IL1RAPL2: variants seen among roughly 807,000 people sequenced by gnomAD.
IL1RAPL2 encodes interleukin 1 receptor accessory protein like 2.
A neutral mutation model predicts 44.1 loss-of-function variants in IL1RAPL2; 3 were observed. The ratio of observed to expected loss-of-function variants is 0.07; its 90% CI spans 0.03 to 0.18. IL1RAPL2 has a LOEUF of 0.18. Among genes scored for constraint, IL1RAPL2 ranks in the 10% least tolerant of loss-of-function variants. The pLI is 1.00. For missense variants in IL1RAPL2, 391 were observed against 496.4 expected (o/e 0.79, Z 2.02); for synonymous variants, 181 against 178.8 (o/e 1.01, Z -0.10).
chrX:104,882,963 G>C (rs773840786), intron 2 of IL1RAPL2, among the ~76,000 whole-genome samples: 1 of 111,129 alleles, frequency 9.0e-6, no homozygotes, highest in East Asian at 2.9e-4. Context: ...CTTCACTCCT[G>C]GTCAAGCGAG....
intron 2 of IL1RAPL2, among the ~76,000 whole-genome samples, chrX:104,953,024 T>C (rs947839241): frequency 2.7e-5 from 3 of 112,314 alleles, no homozygotes; most frequent in Middle Eastern, 4.6e-3. Context: ...TTGTTCTTCT[T>C]GGGTAGCTTG....
chrX:104,894,777 G>A (rs1035370209), intron 2 of IL1RAPL2, among the ~76,000 whole-genome samples: 15 of 112,158 alleles, frequency 1.3e-4, no homozygotes, highest in African/African-American at 4.5e-4. Context: ...AAGCCTTCTT[G>A]TCTCAACTCA....
At chrX:104,581,950 A>G (rs193239294) in intron 1 of IL1RAPL2, among the ~76,000 whole-genome samples, 1 of 111,865 alleles carries the variant, frequency 8.9e-6, no homozygotes, top group Non-Finnish European at 1.9e-5. Context: ...TAAAATTTAG[A>G]TACCAGAATA....
intron 5 of IL1RAPL2, among the ~76,000 whole-genome samples, chrX:105,268,341 A>G (rs1002961846): frequency 1.8e-5 from 2 of 111,812 alleles, no homozygotes; most frequent in African/African-American, 3.2e-5. Context: ...GTTGCAAAAG[A>G]GAGTAGAAAA....
intron 2 of IL1RAPL2, among the ~76,000 whole-genome samples, chrX:105,013,670 C>A (rs887564815): frequency 1.8e-5 from 2 of 110,732 alleles, no homozygotes; most frequent in African/African-American, 6.6e-5. Context: ...AAGAAATCAT[C>A]TAATTTTTAA....
intron 2 of IL1RAPL2, among the ~76,000 whole-genome samples, chrX:104,666,139 G>C (rs1255100843): frequency 9.0e-6 from 1 of 110,507 alleles, no homozygotes; most frequent in Non-Finnish European, 1.9e-5. Flanking sequence ...TAGAGAGAGA[G>C]AGAGATCAGC....
At chrX:105,202,755 C>T (rs1556147538) in intron 3 of IL1RAPL2, among the ~76,000 whole-genome samples, 1 of 111,553 alleles carries the variant, frequency 9.0e-6, no homozygotes, top group Non-Finnish European at 1.9e-5. Context: ...AACCCTTTCT[C>T]CCTTCATCTT....
At chrX:104,692,183 T>C (rs1458402309) in intron 2 of IL1RAPL2, among the ~76,000 whole-genome samples, 1 of 110,841 alleles carries the variant, frequency 9.0e-6, no homozygotes, top group Non-Finnish European at 1.9e-5. Context: ...TATTCACTAA[T>C]CCATTCAGCA....
At chrX:104,976,088 T>A (rs1328037120) in intron 2 of IL1RAPL2, among the ~76,000 whole-genome samples, 1 of 111,710 alleles carries the variant, frequency 9.0e-6, no homozygotes, top group Admixed American at 9.5e-5. Flanking sequence ...AATGTCGTTA[T>A]AATGTATAGG....
intron 2 of IL1RAPL2, among the ~76,000 whole-genome samples, chrX:105,150,835 C>T (rs982734591): frequency 3.6e-5 from 4 of 111,258 alleles, no homozygotes; most frequent in African/African-American, 1.3e-4. Flanking sequence ...ATCATTTGCC[C>T]AACTATTTCC....
rs202145387 is a variant in IL1RAPL2 at position 105,590,362 on chromosome X, AT to A, written c.772+105984del. Reference sequence around the variant, plus strand: ...ATTTCCTCTTTTCCTATTTGGATGCATTTTTTTTTGTCTGATTGCTCTAAAT... The same window carrying A: ...ATTTCCTCTTTTCCTATTTGGATGCATTTTTTTTGTCTGATTGCTCTAAAT... On this transcript the variant is annotated intron_variant, in intron 6 of 10. Coordinates refer to ENST00000372582, the MANE Select transcript of IL1RAPL2 (RefSeq NM_017416.2). Among the ~76,000 whole-genome samples the A allele has an allele frequency of 5.5e-4, 59 of 107,534 alleles. 1 individual carries two copies. Among genetic ancestry groups the A allele is most frequent in the East Asian group, 5.9e-4 (2 of 3,400 alleles). The allele number at this position is 107,534 out of a possible 115,157, so 93.4% of individuals were successfully genotyped here.
chrX:105,168,245 T>G (rs920618376), intron 2 of IL1RAPL2, among the ~76,000 whole-genome samples: 2 of 111,843 alleles, frequency 1.8e-5, no homozygotes, highest in Admixed American at 1.9e-4. Context: ...TTTTATAGTT[T>G]TTTATGTGTA....
At chrX:104,830,069 C>G (rs1921565992) in intron 2 of IL1RAPL2, among the ~76,000 whole-genome samples, 1 of 111,677 alleles carries the variant, frequency 9.0e-6, no homozygotes, top group African/African-American at 3.3e-5. Context: ...CTAGGCCTGT[C>G]TCCTGATAAC....
chrX:105,500,364 A>G (rs780087512), intron 6 of IL1RAPL2, among the ~76,000 whole-genome samples: 1 of 111,013 alleles, frequency 9.0e-6, no homozygotes, highest in South Asian at 3.8e-4. Context: ...AACCAAAAAT[A>G]CAAAACAGTT....
chrX:105,000,321 T>C (rs1170031960), intron 2 of IL1RAPL2, among the ~76,000 whole-genome samples: 1 of 111,874 alleles, frequency 8.9e-6, no homozygotes, highest in Admixed American at 9.5e-5. Context: ...AAAAAATCCC[T>C]TGAGGTTAGT....
rs778226113 is a variant in IL1RAPL2, at chrX:104,806,339, C to T, written c.82+147344C>T. Among the ~76,000 whole-genome samples the T allele has an allele frequency of 2.7e-5, 3 of 112,199 alleles. No individual in the cohort carries two copies. In the South Asian group the frequency reaches 1.1e-3, roughly 42 times the overall value. Reference sequence around the variant, plus strand: ...GAGTATATATAGGCCAGACTTAGTTCCTGATGCAATTGCATTTGGAAACAG... The same window carrying T: ...GAGTATATATAGGCCAGACTTAGTTTCTGATGCAATTGCATTTGGAAACAG... On this transcript the variant is annotated intron_variant, in intron 2 of 10. Transcript: ENST00000372582.
At position 104,730,374 on chromosome X, in the gene IL1RAPL2, C is replaced by A. The variant is rs1168962365; in HGVS notation, c.82+71379C>A. 3.2e-5 allele frequency among the ~76,000 whole-genome samples: 2 copies of A among 62,659 alleles called. 1 individual carries two copies. The highest frequency in any genetic ancestry group is 3.5e-4 in the Admixed American group (2 of 5,729). 54.4% of individuals were successfully genotyped at this position (62,659 alleles called of 115,157 possible). A position where few individuals can be genotyped will look rare whatever the true frequency, so the allele number is the denominator to read the frequency against. ...ATCTCCTAATGCTATCCCTCCCCTC[C>A]CCCCCACCCCAGAACAGTCCCCAGA... On this transcript the variant is annotated intron_variant, in intron 2 of 10. Coordinates refer to ENST00000372582, the MANE Select transcript of IL1RAPL2 (RefSeq NM_017416.2).
intron 2 of IL1RAPL2, among the ~76,000 whole-genome samples, chrX:104,905,569 C>T (rs1198299706): frequency 2.7e-5 from 3 of 111,591 alleles, no homozygotes; most frequent in Non-Finnish European, 5.6e-5. Flanking sequence ...GAATCCTTTC[C>T]CCATTGCTTG....
intron 2 of IL1RAPL2, among the ~76,000 whole-genome samples, chrX:105,045,527 G>A: frequency 9.0e-6 from 1 of 111,381 alleles, no homozygotes; most frequent in Non-Finnish European, 1.9e-5. Context: ...TACAAGCCTA[G>A]TAGTACTGCT....
Sources: gnomAD v4.1 joint callset for allele counts (sites outside exome capture counted in the v4.1 genomes callset) on GRCh38, gnomAD v4.1.1 for gene constraint, MANE v1.5 for transcripts, NCBI Gene and HGNC (gene_info 2026-07-23, HGNC 2026-07-21) for gene names.